Variants in SAMD12 observed in about 807,000 individuals in gnomAD.
The protein encoded by SAMD12 is sterile alpha motif domain containing 12.
SAMD12 carries 9 observed loss-of-function variants against 15.0 expected under a neutral mutation model. The observed-to-expected ratio is 0.60, with a 90% confidence interval of 0.36 to 1.05. The LOEUF (loss-of-function observed/expected upper bound fraction) is 1.05, where lower values mean the gene tolerates loss of function less well. Ranked by LOEUF, SAMD12 falls within the 50% of genes least tolerant of loss-of-function variation. SAMD12 has a pLI of 0.01. For missense variants in SAMD12, 230 were observed against 234.2 expected, an observed-to-expected ratio of 0.98 and a Z score of 0.12; for synonymous variants, 86 against 90.1, an observed-to-expected ratio of 0.96 and a Z score of 0.25.
At chr8:118,206,557 C>T (rs1819867822) in intron 4 of SAMD12, among the ~76,000 whole-genome samples, 1 of 152,214 alleles carries the variant, frequency 6.6e-6, no homozygotes, top group African/African-American at 2.4e-5. Flanking sequence ...ACTAAAGTAT[C>T]CTGCATTGCC....
At chr8:118,478,501 T>TAAAC (rs1209901663) in intron 2 of SAMD12, among the ~76,000 whole-genome samples, 1 of 152,266 alleles carries the variant, frequency 6.6e-6, no homozygotes, top group African/African-American at 2.4e-5. Context: ...ATGTAGATTT[T>TAAAC]ATTTAAAACA....
chr8:118,170,869 C>T, the SAMD12 span, among the ~76,000 whole-genome samples: 7,411 of 151,860 alleles, frequency 0.049, 601 homozygotes, highest in African/African-American at 0.17. Flanking sequence ...CAAATGATAA[C>T]GTCAAAAAAT....
At position 118,226,950 on chromosome 8, in the gene SAMD12, C is replaced by T. The variant is rs375116298; in HGVS notation, c.434-29218G>A. On this transcript the variant is annotated intron_variant, in intron 4 of 4. Coordinates refer to the SAMD12 transcript ENST00000409003. ...TTGATAGCATCAGATGGGGTGGACA[C>T]TGAACCAGGAATTAGAGGACATAGG... Among the ~76,000 whole-genome samples the T allele has an allele frequency of 9.9e-5, 15 of 152,258 alleles. No homozygotes were observed. In the East Asian group the frequency reaches 2.7e-3, roughly 27 times the overall value.
intron 1 of SAMD12, among the ~76,000 whole-genome samples, chr8:118,606,315 T>C (rs1010189845): frequency 1.3e-5 from 2 of 152,100 alleles, no homozygotes; most frequent in African/African-American, 4.8e-5. Flanking sequence ...ACTCAAGATA[T>C]CAAATTCTAA....
intron 1 of SAMD12, among the ~76,000 whole-genome samples, chr8:118,589,271 A>G (rs1827521984): frequency 6.6e-6 from 1 of 152,228 alleles, no homozygotes; most frequent in South Asian, 2.1e-4. Context: ...CTGGACCTAC[A>G]TGACTGTTCA....
the SAMD12 span, among the ~76,000 whole-genome samples, chr8:118,161,672 T>A: frequency 1.3e-5 from 2 of 150,492 alleles, no homozygotes; most frequent in African/African-American, 4.9e-5. Context: ...CTAGGATACA[T>A]AAAGAAGCCT....
Position 118,576,530 on chromosome 8 carries a change from G to A in SAMD12, c.192+4185C>T, listed in dbSNP as rs74807738. Among the ~76,000 whole-genome samples the A allele has an allele frequency of 8.3e-3, 1,256 of 152,204 alleles. 4 individuals are homozygous for A. The highest frequency in any genetic ancestry group is 0.013 in the Non-Finnish European group (857 of 68,010). On this transcript the variant is annotated intron_variant, in intron 2 of 3. Coordinates refer to ENST00000314727, the MANE Select transcript of SAMD12 (RefSeq NM_207506.3). ...CGGCTAAAGGCACCCTCCATTCTTA[G>A]GGCTACATATTGGAATTTATCCATA...
At chr8:118,202,588 G>T (rs1296513281) in intron 4 of SAMD12, among the ~76,000 whole-genome samples, 3 of 152,192 alleles carry the variant, frequency 2.0e-5, no homozygotes, top group Non-Finnish European at 4.4e-5. Context: ...CCTAACTCCA[G>T]CACACAGGGC....
chr8:118,522,287 T>A (rs151333462), intron 2 of SAMD12, among the ~76,000 whole-genome samples: 1 of 152,088 alleles, frequency 6.6e-6, no homozygotes, highest in East Asian at 1.9e-4. Context: ...ATCATCCAAC[T>A]TGATTTTAGT....
chr8:118,368,820 AC>A (rs1818934330), intron 4 of SAMD12, among the ~76,000 whole-genome samples: 1 of 152,186 alleles, frequency 6.6e-6, no homozygotes. Flanking sequence ...TTAGAACACA[AC>A]TGAAGTTTGC....
chr8:118,153,791 C>T, the SAMD12 span, among the ~76,000 whole-genome samples: 39 of 152,204 alleles, frequency 2.6e-4, no homozygotes, highest in African/African-American at 9.1e-4. Context: ...AAGCAAAAAC[C>T]TATCTACCTT....
intron 2 of SAMD12, among the ~76,000 whole-genome samples, chr8:118,450,593 T>C (rs1823050441): frequency 1.3e-5 from 2 of 152,214 alleles, no homozygotes; most frequent in Admixed American, 1.3e-4. Flanking sequence ...AAATTGTTAT[T>C]GATCATCATC....
chr8:118,143,069 C>A, the SAMD12 span, among the ~76,000 whole-genome samples: 1 of 152,104 alleles, frequency 6.6e-6, no homozygotes, highest in Non-Finnish European at 1.5e-5. Context: ...AAGGGAAATT[C>A]CATCATAAAA....
chr8:118,567,544 C>T (rs1488973272), intron 2 of SAMD12, among the ~76,000 whole-genome samples: 1 of 152,138 alleles, frequency 6.6e-6, no homozygotes, highest in Non-Finnish European at 1.5e-5. Context: ...TGAATACTTA[C>T]TACCTAAACT....
rs138908868 is a variant in SAMD12, at chr8:118,266,837, G to A, written c.434-69105C>T. On this transcript the variant is annotated intron_variant, in intron 4 of 4. Transcript: ENST00000409003. ...GGTAACAGTTACCAGAGGCTAGGGG[G>A]TGGAGGGGTTGAGGAGATACTGGTC... Among the ~76,000 whole-genome samples, 1,182 of 152,208 alleles carry A rather than the reference G, an allele frequency of 7.8e-3. 19 individuals are homozygous for A. Among genetic ancestry groups the A allele is most frequent in the African/African-American group, 0.027 (1,121 of 41,538 alleles).
At chr8:118,535,054 GCT>G (rs1825799765) in intron 2 of SAMD12, among the ~76,000 whole-genome samples, 2 of 151,562 alleles carry the variant, frequency 1.3e-5, no homozygotes, top group South Asian at 4.2e-4. Context: ...TCAGCTTTTT[GCT>G]CTGTTTTCTC....
At chr8:118,539,770 C>T (rs1043770188) in intron 2 of SAMD12, among the ~76,000 whole-genome samples, 18 of 152,218 alleles carry the variant, frequency 1.2e-4, no homozygotes, top group African/African-American at 4.3e-4. Flanking sequence ...ACTCAAGTGC[C>T]ATCCATGGGT....
chr8:118,440,710 A>ACACACG, intron 2 of SAMD12, among the ~76,000 whole-genome samples: 2 of 151,670 alleles, frequency 1.3e-5, no homozygotes, highest in African/African-American at 4.8e-5. Context: ...ACACACACAC[A>ACACACG]CACACATATA....
rs971022253 is a variant in SAMD12, at chr8:118,593,407, G to T, written c.14-12514C>A. ...AACTGACAAGATGCCATCAGAGGTG[G>T]TATTACTAATAACAGCTCAATACTT... is the stretch of plus-strand genomic sequence containing the variant. On this transcript the variant is annotated intron_variant, in intron 1 of 3. Transcript: ENST00000314727. 2.0e-5 allele frequency among the ~76,000 whole-genome samples: 3 copies of T among 152,266 alleles called. No individual in the cohort carries two copies. In the East Asian group the frequency reaches 5.8e-4, roughly 29 times the overall value.
Sources: gnomAD v4.1 joint callset for allele counts (sites outside exome capture counted in the v4.1 genomes callset) on GRCh38, gnomAD v4.1.1 for gene constraint, MANE v1.5 for transcripts, NCBI Gene and HGNC (gene_info 2026-07-23, HGNC 2026-07-21) for gene names.